ENTREP2: variants seen among roughly 807,000 people sequenced by gnomAD.
ENTREP2 encodes endosomal transmembrane epsin interactor 2, also known as protein ENTREP2.
the ENTREP2 span, among the ~76,000 whole-genome samples, chr15:29,347,819 CTT>C: frequency 6.6e-6 from 1 of 152,190 alleles, no homozygotes; most frequent in Non-Finnish European, 1.5e-5. Context: ...ACTCACTGCT[CTT>C]TTACTGACAG....
chr15:29,158,143 AAT>A, the ENTREP2 span, among the ~76,000 whole-genome samples: 5 of 152,210 alleles, frequency 3.3e-5, no homozygotes, highest in Admixed American at 6.5e-5. Context: ...CCTTTCTACA[AAT>A]AATATTAATT....
the ENTREP2 span, chr15:29,375,093 T>C: frequency 1.3e-5 from 2 of 152,238 alleles, no homozygotes; most frequent in African/African-American, 4.8e-5. Context: ...ACAGGTAAAT[T>C]ACTTGGAAAC....
At chr15:29,341,685 G>T in the ENTREP2 span, among the ~76,000 whole-genome samples, 3 of 152,142 alleles carry the variant, frequency 2.0e-5, no homozygotes, top group Non-Finnish European at 4.4e-5. Flanking sequence ...CCGTGGAAGG[G>T]AATAGTGAAG....
the ENTREP2 span, among the ~76,000 whole-genome samples, chr15:29,547,624 C>T: frequency 1.3e-5 from 2 of 152,102 alleles, no homozygotes; most frequent in African/African-American, 4.8e-5. Context: ...AATTCAAACC[C>T]TTATAGACTC....
the ENTREP2 span, chr15:29,376,421 G>T: frequency 6.6e-6 from 1 of 151,842 alleles, no homozygotes; most frequent in Non-Finnish European, 1.5e-5. Context: ...GGAAGACAAT[G>T]ATCTCAATCA....
chr15:29,248,709 A>G, the ENTREP2 span, among the ~76,000 whole-genome samples: 1 of 152,184 alleles, frequency 6.6e-6, no homozygotes, highest in Non-Finnish European at 1.5e-5. Context: ...ATCATCTTAT[A>G]TCTTTCAAAT....
the ENTREP2 span, among the ~76,000 whole-genome samples, chr15:29,155,827 G>A: frequency 9.9e-5 from 15 of 152,090 alleles, no homozygotes; most frequent in African/African-American, 3.6e-4. Flanking sequence ...ATTTTGGGGG[G>A]CTGTTTCAGG....
At chr15:29,178,801 T>C in the ENTREP2 span, among the ~76,000 whole-genome samples, 1 of 152,200 alleles carries the variant, frequency 6.6e-6, no homozygotes, top group Non-Finnish European at 1.5e-5. Context: ...TTAGTTTTGC[T>C]TGACAATGCA....
the ENTREP2 span, among the ~76,000 whole-genome samples, chr15:29,300,068 G>A: frequency 6.6e-6 from 1 of 151,354 alleles, no homozygotes; most frequent in East Asian, 2.0e-4. Context: ...TGGGTAGGTG[G>A]GTGGACAGAT....
chr15:29,503,439 G>A, the ENTREP2 span, among the ~76,000 whole-genome samples: 1 of 152,134 alleles, frequency 6.6e-6, no homozygotes, highest in African/African-American at 2.4e-5. Context: ...TAGAGGATTG[G>A]GGAATTGGAG....
the ENTREP2 span, among the ~76,000 whole-genome samples, chr15:29,576,749 A>C: frequency 2.6e-5 from 4 of 152,184 alleles, no homozygotes; most frequent in East Asian, 7.7e-4. Context: ...GGGAAATGCA[A>C]ATTAAAACCA....
At chr15:29,186,299 C>T in the ENTREP2 span, among the ~76,000 whole-genome samples, 12 of 152,172 alleles carry the variant, frequency 7.9e-5, 1 homozygote, top group Admixed American at 4.6e-4. Flanking sequence ...GAATGTGCTC[C>T]GAACTGTGGG....
chr15:29,456,626 G>A, the ENTREP2 span, among the ~76,000 whole-genome samples: 828 of 152,292 alleles, frequency 5.4e-3, 9 homozygotes, highest in African/African-American at 0.019. Context: ...GTTCACAGCC[G>A]CAGAGGGGAG....
At chr15:29,197,829 A>G in the ENTREP2 span, among the ~76,000 whole-genome samples, 3 of 152,260 alleles carry the variant, frequency 2.0e-5, no homozygotes, top group South Asian at 6.2e-4. Context: ...AACATGAAAC[A>G]AGTTATTTTC....
chr15:29,488,909 A>G, the ENTREP2 span, among the ~76,000 whole-genome samples: 1 of 152,216 alleles, frequency 6.6e-6, no homozygotes, highest in East Asian at 1.9e-4. Context: ...TATCAGAAAC[A>G]GGTAACAATC....
the ENTREP2 span, among the ~76,000 whole-genome samples, chr15:29,188,701 C>T: frequency 6.6e-6 from 1 of 152,252 alleles, no homozygotes; most frequent in Non-Finnish European, 1.5e-5. Flanking sequence ...GTCTTTTGTT[C>T]TAATGAAGCG....
chr15:29,517,935 A>C, the ENTREP2 span, among the ~76,000 whole-genome samples: 12 of 152,188 alleles, frequency 7.9e-5, 1 homozygote, highest in Admixed American at 7.2e-4. Flanking sequence ...GATGTTTTGT[A>C]CATGGGGCGA....
chr15:29,239,721 C>T, the ENTREP2 span, among the ~76,000 whole-genome samples: 8 of 152,118 alleles, frequency 5.3e-5, no homozygotes, highest in African/African-American at 1.7e-4. Flanking sequence ...TGGGTAAGCA[C>T]AACAGAAATC....
the ENTREP2 span, among the ~76,000 whole-genome samples, chr15:29,423,725 G>A: frequency 3.3e-5 from 5 of 152,128 alleles, no homozygotes; most frequent in African/African-American, 7.2e-5. Context: ...GTGAACCTGG[G>A]AGGCGGAGGC....
Sources: gnomAD v4.1 joint callset for allele counts (sites outside exome capture counted in the v4.1 genomes callset) on GRCh38, gnomAD v4.1.1 for gene constraint, MANE v1.5 for transcripts, NCBI Gene and HGNC (gene_info 2026-07-23, HGNC 2026-07-21) for gene names.